Variants in AMER1 observed in about 807,000 individuals in gnomAD.
The protein encoded by AMER1 is APC membrane recruitment protein 1, also known as RP11-403E24.2.
In AMER1, 16 loss-of-function variants were observed where a neutral mutation model predicts 53.0. The observed-to-expected ratio is 0.30, with a 90% CI of 0.20 to 0.46. The LOEUF is 0.46. Ranked by LOEUF, AMER1 falls within the 20% of genes least tolerant of loss-of-function variation. The pLI is 1.00. For synonymous variants in AMER1, 354 were observed against 331.9 expected (o/e 1.07, Z -0.73); for missense variants, 947 against 884.9 (o/e 1.07, Z -0.89).
At position 64,186,834 on chromosome X, in the gene AMER1, G is replaced by T. The variant is rs139314855; in HGVS notation, c.*3045C>A. On this transcript the variant is annotated 3_prime_UTR_variant, in exon 2 of 2. Coordinates refer to ENST00000374869, the MANE Select transcript of AMER1 (RefSeq NM_152424.4). ...TCCTGGCCCTGGGAGAGGCCTACTA[G>T]GTGGCCTTCTCTATCCACATTCACT... The T allele has an allele frequency of 2.2e-4, 170 of 771,531 alleles. 1 individual carries two copies. In the Middle Eastern group the frequency reaches 2.8e-3, roughly 13 times the overall value. 63.6% of individuals were successfully genotyped at this position (771,531 alleles called of 1,213,427 possible). A position where few individuals can be genotyped will look rare whatever the true frequency, so the allele number is the denominator to read the frequency against.
rs1472692737 is a variant in AMER1 at position 64,189,236 on chromosome X, T to C, written c.*643A>G. Reference sequence around the variant, plus strand: ...CTGGGATGAATAGCTTATAGTCATCTGATATAATGATGGCAGCTATGCCAG... The same window carrying C: ...CTGGGATGAATAGCTTATAGTCATCCGATATAATGATGGCAGCTATGCCAG... On this transcript the variant is annotated 3_prime_UTR_variant, in exon 2 of 2. Transcript: ENST00000374869. The C allele has an allele frequency of 1.3e-6, 1 of 794,393 alleles. No homozygotes were observed. Among genetic ancestry groups the C allele is most frequent in the Non-Finnish European group, 1.5e-6 (1 of 665,167 alleles). The allele number at this position is 794,393 out of a possible 1,213,427, so 65.5% of individuals were successfully genotyped here. A position where few individuals can be genotyped will look rare whatever the true frequency, so the allele number is the denominator to read the frequency against.
chrX:64,197,045 G>C (rs538853099), intron 1 of AMER1, among the ~76,000 whole-genome samples: 2 of 112,705 alleles, frequency 1.8e-5, no homozygotes, highest in South Asian at 7.4e-4. Flanking sequence ...CACCAAGAGA[G>C]TGAGGTGGGG....
chrX:64,196,058 C>T (rs1004716863), intron 1 of AMER1, among the ~76,000 whole-genome samples: 22 of 112,331 alleles, frequency 2.0e-4, no homozygotes, highest in African/African-American at 7.1e-4. Flanking sequence ...AGAGCCTTGA[C>T]GCCCCAGTTA....
At position 64,192,314 on chromosome X, in the gene AMER1, A is replaced by G. The variant is rs2147089318; in HGVS notation, c.973T>C (p.Leu325=). The G allele has an allele frequency of 8.3e-7, 1 of 1,211,977 alleles. No individual in the cohort carries two copies. The highest frequency in any genetic ancestry group is 3.0e-5 in the East Asian group (1 of 33,784). The change falls in exon 2 of 2, where the codon TTG becomes CTG. Residue 325 remains leucine (L), a synonymous_variant. Transcript: ENST00000374869. ...GCTATTATGTCACCACAACCTGTCA[A>G]TGAATCAAAGCTTTTCAGGGATGTC... ...DVTSLKSFDS[L]TGCGDIIAEQ...
At chrX:64,202,486 T>G (rs780666608) in intron 1 of AMER1, among the ~76,000 whole-genome samples, 2 of 111,882 alleles carry the variant, frequency 1.8e-5, no homozygotes, top group East Asian at 5.7e-4. Context: ...CGAGCCCCTG[T>G]TGCTTTCCAA....
chrX:64,189,793 A>ACGGGCCG lies in AMER1; in HGVS notation c.*85_*86insCGGCCCG. 1 of 292,074 alleles carries ACGGGCCG rather than the reference A, an allele frequency of 3.4e-6. No individual in the cohort carries two copies. The highest frequency in any genetic ancestry group is 4.9e-6 in the Non-Finnish European group (1 of 204,832). 24.1% of individuals were successfully genotyped at this position (292,074 alleles called of 1,213,427 possible). The stretch of plus-strand genomic sequence containing the variant: ...CAAAGGGTTTTCAAGTTAAACAACA[A>ACGGGCCG]CCCCCACCCCCCCACCCTTCTGCCC... On this transcript the variant is annotated 3_prime_UTR_variant, in exon 2 of 2. Coordinates refer to ENST00000374869, the MANE Select transcript of AMER1 (RefSeq NM_152424.4).
At chrX:64,198,954 T>C (rs2147093832) in intron 1 of AMER1, among the ~76,000 whole-genome samples, 1 of 112,922 alleles carries the variant, frequency 8.9e-6, no homozygotes, top group East Asian at 2.8e-4. Context: ...GGAACTTGAA[T>C]GATCCATTTT....
chrX:64,194,639 G>A (rs1355220160), intron 1 of AMER1, among the ~76,000 whole-genome samples: 3 of 111,374 alleles, frequency 2.7e-5, no homozygotes, highest in Non-Finnish European at 5.7e-5. Context: ...AGAGGGGAGA[G>A]GGGAAGGGGA....
chrX:64,197,826 A>T (rs778491720), intron 1 of AMER1, among the ~76,000 whole-genome samples: 3 of 112,855 alleles, frequency 2.7e-5, no homozygotes, highest in African/African-American at 9.7e-5. Flanking sequence ...CAATTTCCTT[A>T]ACTGTAAAAT....
Position 64,186,329 on chromosome X carries a change from A to G in AMER1, c.*3550T>C. 1.0e-6 allele frequency: 1 copy of G among 992,798 alleles called. No homozygotes were observed. The allele number at this position is 992,798 out of a possible 1,213,427, so 81.8% of individuals were successfully genotyped here. On this transcript the variant is annotated 3_prime_UTR_variant, in exon 2 of 2. Coordinates refer to ENST00000374869, the MANE Select transcript of AMER1 (RefSeq NM_152424.4). ...ATCTTTGTTTTGTTTAAAACTGTAAACAGCACCGCTTAAAAATAAATCAGA... is the reference window on the plus strand; with the variant it reads ...ATCTTTGTTTTGTTTAAAACTGTAAGCAGCACCGCTTAAAAATAAATCAGA...
chrX:64,189,764 G>C lies in AMER1; in HGVS notation c.*115C>G, dbSNP rs1930197832. 4.5e-6 allele frequency: 5 copies of C among 1,116,686 alleles called. No homozygotes were observed. In the African/African-American group the frequency reaches 5.8e-5, roughly 13 times the overall value. The allele number at this position is 1,116,686 out of a possible 1,213,427, so 92.0% of individuals were successfully genotyped here. ...GTGAAAACTCACAGGAGTTTTCCTT[G>C]GCCCAAAGGGTTTTCAAGTTAAACA... On this transcript the variant is annotated 3_prime_UTR_variant, in exon 2 of 2. Transcript: ENST00000374869.
intron 1 of AMER1, among the ~76,000 whole-genome samples, chrX:64,196,747 A>G (rs1224764370): frequency 8.9e-6 from 1 of 111,775 alleles, no homozygotes; most frequent in Non-Finnish European, 1.9e-5. Context: ...TCTCCTAACC[A>G]AGTCCAGAGT....
chrX:64,189,963 G>T lies in AMER1; in HGVS notation c.3324C>A (p.Asp1108Glu). The change falls in exon 2 of 2, where the codon GAC (aspartate) becomes GAA (glutamate). Residue 1108 changes from aspartate to glutamate, a missense_variant. By Grantham distance (45) the Asp-to-Glu change is conservative. Transcript: ENST00000374869. ...QPTHYGPSSL[D>E]LSKERAEQGA... ...CTTGCTCAGCCCTCTCCTTTGACAG[G>T]TCAAGGCTGGAAGGCCCATAGTGAG... The T allele has an allele frequency of 8.3e-7, 1 of 1,206,766 alleles. No individual in the cohort carries two copies. Among genetic ancestry groups the T allele is most frequent in the Non-Finnish European group, 1.1e-6 (1 of 893,111 alleles).
intron 1 of AMER1, among the ~76,000 whole-genome samples, chrX:64,196,425 C>T (rs899070336): frequency 8.0e-5 from 9 of 112,129 alleles, no homozygotes; most frequent in Non-Finnish European, 1.3e-4. Context: ...TAGTACAGTG[C>T]AAATGAGAAA....
rs749264086 is a variant in AMER1, at chrX:64,189,983, A to G, written c.3304T>C (p.Tyr1102His). 8.3e-7 allele frequency: 1 copy of G among 1,206,910 alleles called. No homozygotes were observed. The change falls in exon 2 of 2, where the codon TAT becomes CAT. Residue 1102 changes from tyrosine (Y) to histidine (H), a missense_variant. Physicochemically the swap from Tyr to His is moderately conservative, Grantham distance 83. Transcript: ENST00000374869. ...GACAGGTCAAGGCTGGAAGGCCCATAGTGAGTGGGCTGAGGCTGGGGGTGC... is the reference window on the plus strand; with the variant it reads ...GACAGGTCAAGGCTGGAAGGCCCATGGTGAGTGGGCTGAGGCTGGGGGTGC... ...PEHPQPQPTH[Y>H]GPSSLDLSKE... is the part of the protein sequence containing the mutation.
chrX:64,189,172 T>C lies in AMER1; in HGVS notation c.*707A>G. The C allele has an allele frequency of 1.2e-6, 1 of 800,827 alleles. No homozygotes were observed. The highest frequency in any genetic ancestry group is 1.5e-6 in the Non-Finnish European group (1 of 667,873). The allele number at this position is 800,827 out of a possible 1,213,427, so 66.0% of individuals were successfully genotyped here. ...TGCCAAAGTCCACAGCGATAGGCTG[T>C]GAGACACACGCTACTTGATCCTCTC... On this transcript the variant is annotated 3_prime_UTR_variant, in exon 2 of 2. Coordinates refer to ENST00000374869, the MANE Select transcript of AMER1 (RefSeq NM_152424.4).
At chrX:64,193,866 C>T (rs1930311335) in intron 1 of AMER1, among the ~76,000 whole-genome samples, 1 of 112,308 alleles carries the variant, frequency 8.9e-6, no homozygotes, top group Non-Finnish European at 1.9e-5. Context: ...ATTCAAGCTT[C>T]AGTTTCATAT....
chrX:64,185,165 A>G lies in AMER1; in HGVS notation c.*4714T>C, dbSNP rs1930078455. The G allele has an allele frequency of 6.6e-6, 1 of 150,929 alleles. No homozygotes were observed. The highest frequency in any genetic ancestry group is 3.3e-4 in the South Asian group (1 of 2,994). 12.4% of individuals were successfully genotyped at this position (150,929 alleles called of 1,213,427 possible). On this transcript the variant is annotated 3_prime_UTR_variant, in exon 2 of 2. Coordinates refer to ENST00000374869, the MANE Select transcript of AMER1 (RefSeq NM_152424.4). ...CCCAGAAGTTTATTAGCATTCAGCAAAGAAGTATATGTTGTTACAAACAGG... is the reference window on the plus strand; with the variant it reads ...CCCAGAAGTTTATTAGCATTCAGCAGAGAAGTATATGTTGTTACAAACAGG...
rs755847386 is a variant in AMER1, at chrX:64,190,153, C to G, written c.3134G>C (p.Arg1045Thr). ...NLQPQASQSM[R>T]ARPRDVLLPV... ...CAGCAGCACATCTCGAGGCCTGGCC[C>G]TCATGCTCTGGGAGGCCTGTGGCTG... The change falls in exon 2 of 2, where the codon AGG (arginine) becomes ACG (threonine). Residue 1045 changes from arginine to threonine, a missense_variant. Coordinates refer to ENST00000374869, the MANE Select transcript of AMER1 (RefSeq NM_152424.4). The G allele has an allele frequency of 1.7e-6, 2 of 1,207,619 alleles. No homozygotes were observed. The highest frequency in any genetic ancestry group is 3.5e-5 in the African/African-American group (2 of 57,360).
Sources: allele counts gnomAD v4.1 joint callset (sites outside exome capture counted in the v4.1 genomes callset), GRCh38; gene constraint gnomAD v4.1.1; transcripts MANE v1.5; gene names NCBI Gene and HGNC (gene_info 2026-07-23, HGNC 2026-07-21).